Variants in MAP3K4 observed in about 807,000 individuals in gnomAD.
MAP3K4 encodes the protein mitogen-activated protein kinase kinase kinase 4.
In MAP3K4, 67 loss-of-function variants were observed where a neutral mutation model predicts 185.6. The observed-to-expected ratio is 0.36, with a 90% CI of 0.30 to 0.44. The LOEUF (loss-of-function observed/expected upper bound fraction) is 0.44, where lower values mean the gene tolerates loss of function less well. Ranked by LOEUF, MAP3K4 falls within the 20% of genes least tolerant of loss-of-function variation. The pLI is 1.00. For missense variants in MAP3K4, 1,551 were observed against 1,995.1 expected, an observed-to-expected ratio of 0.78 and a Z score of 4.24; for synonymous variants, 702 against 710.4, an observed-to-expected ratio of 0.99 and a Z score of 0.19.
chr6:161,030,374 C>G (rs1400254412), intron 1 of MAP3K4, among the ~76,000 whole-genome samples: 2 of 151,960 alleles, frequency 1.3e-5, no homozygotes, highest in African/African-American at 4.8e-5. Context: ...TGAGTCATTT[C>G]TGGTCTGTTT....
At chr6:161,078,692 G>A (rs1785294804) in intron 5 of MAP3K4, among the ~76,000 whole-genome samples, 1 of 152,170 alleles carries the variant, frequency 6.6e-6, no homozygotes, top group African/African-American at 2.4e-5. Flanking sequence ...GAGGCAGTCA[G>A]GAAGCTGGAC....
chr6:161,065,914 G>A (rs1784687295), intron 3 of MAP3K4, among the ~76,000 whole-genome samples: 1 of 113,022 alleles, frequency 8.8e-6, no homozygotes, highest in Non-Finnish European at 1.8e-5. Context: ...CTCCAGCCTG[G>A]GCAAAAGAGC....
In MAP3K4 at chr6:161,059,122, G is replaced by T. The variant is rs550269898; in HGVS notation, c.1707+9143G>T. Among the ~76,000 whole-genome samples, 4 of 148,510 alleles carry T rather than the reference G, an allele frequency of 2.7e-5. No individual in the cohort carries two copies. In the South Asian group the frequency reaches 8.7e-4, roughly 32 times the overall value. ...TTTATAACCATGATCAGCAAAAAAT[G>T]TTATTTCATTGATTGATTGATTTTT... On this transcript the variant is annotated intron_variant, in intron 3 of 26. Transcript: ENST00000392142.
At chr6:161,030,756 T>A (rs1259457120) in intron 1 of MAP3K4, among the ~76,000 whole-genome samples, 6 of 152,180 alleles carry the variant, frequency 3.9e-5, no homozygotes, top group African/African-American at 1.4e-4. Flanking sequence ...GAATGTTATT[T>A]ATTAGGTGCT....
intron 1 of MAP3K4, among the ~76,000 whole-genome samples, chr6:161,015,823 A>T (rs1476451041): frequency 6.6e-6 from 1 of 152,182 alleles, no homozygotes; most frequent in Non-Finnish European, 1.5e-5. Context: ...GTCTGCCTCC[A>T]TGACACCAGA....
intron 1 of MAP3K4, among the ~76,000 whole-genome samples, chr6:160,998,853 C>T (rs995715933): frequency 2.0e-5 from 3 of 152,002 alleles, no homozygotes; most frequent in African/African-American, 7.3e-5. Flanking sequence ...ATTTTTAGAC[C>T]CCTGCAGATC....
rs765216056 is a variant in MAP3K4 at position 161,091,416 on chromosome 6, C to A, written c.3011C>A (p.Ala1004Asp). 20 of 1,613,712 alleles carry A rather than the reference C, an allele frequency of 1.2e-5. 1 individual carries two copies. The highest frequency in any genetic ancestry group is 1.7e-5 in the Admixed American group (1 of 59,960). ...ALELCNRISNAIDRVDHMFTS... is the reference protein window; with the variant it reads ...ALELCNRISNDIDRVDHMFTS... ...GAGCTATGCAACAGGATAAGCAATG[C>A]CATTGACCGCGTGGACCACATGTTC... The change falls in exon 12 of 27, where the codon GCC (alanine) becomes GAC (aspartate). Residue 1004 changes from alanine to aspartate, a missense_variant. Transcript: ENST00000392142. The surrounding 1 kb of genome is among the most constrained non-coding windows in gnomAD (Gnocchi z 5.5).
intron 1 of MAP3K4, among the ~76,000 whole-genome samples, chr6:160,993,276 G>A (rs1780826842): frequency 6.6e-6 from 1 of 152,060 alleles, no homozygotes; most frequent in African/African-American, 2.4e-5. Flanking sequence ...GGTTCCTTTT[G>A]AATACATCTA....
intron 3 of MAP3K4, among the ~76,000 whole-genome samples, chr6:161,052,830 C>A (rs888625142): frequency 3.3e-5 from 5 of 152,006 alleles, no homozygotes; most frequent in Non-Finnish European, 7.4e-5. Flanking sequence ...GGAAAAGAGT[C>A]ACAATTTTGA....
chr6:161,089,342 T>C lies in MAP3K4; in HGVS notation c.2844T>C (p.Val948=). The C allele has an allele frequency of 6.2e-7, 1 of 1,613,814 alleles. No individual in the cohort carries two copies. Among genetic ancestry groups the C allele is most frequent in the East Asian group, 2.2e-5 (1 of 44,884 alleles). Residue 948 remains valine, a synonymous_variant, in exon 11 of 27, where the codon GTT becomes GTC. Transcript: ENST00000392142. The part of the protein sequence containing the change: ...RSMQVDNLLL[V]VMQSAHLTIQ... The stretch of plus-strand genomic sequence containing the variant: ...CCCAGGTGGATAATCTTTTACTAGT[T>C]GTCATGCAGTCTGCGCATCTCACAA...
At chr6:161,057,324 C>T (rs1186707726) in intron 3 of MAP3K4, among the ~76,000 whole-genome samples, 2 of 152,136 alleles carry the variant, frequency 1.3e-5, no homozygotes, top group Non-Finnish European at 2.9e-5. Flanking sequence ...CACAGTGTTC[C>T]AGACTCAACA....
At chr6:161,039,296 A>C (rs1426094060) in intron 2 of MAP3K4, among the ~76,000 whole-genome samples, 5 of 151,832 alleles carry the variant, frequency 3.3e-5, no homozygotes, top group East Asian at 1.9e-4. Flanking sequence ...AAAAAAAAAA[A>C]AAAACATCAA....
At position 161,034,548 on chromosome 6, in the gene MAP3K4, A is replaced by ATTT; in HGVS notation, c.343+101_343+103dup. On this transcript the variant is annotated intron_variant, in intron 2 of 26. Transcript: ENST00000392142. This position sits in a 1 kb window ranked among gnomAD's most constrained non-coding sequence, Gnocchi z 4.4. ...AGCAATTTCTTTTATTTTTAATTTG[A>ATTT]TTTTAATGCTCCTGTAAAGTTCAAT... 1 of 995,712 alleles carries ATTT rather than the reference A, an allele frequency of 1.0e-6. No homozygotes were observed. The highest frequency in any genetic ancestry group is 2.0e-5 in the South Asian group (1 of 50,674). The allele number at this position is 995,712 out of a possible 1,614,324, so 61.7% of individuals were successfully genotyped here.
At chr6:161,069,477 CGTG>C (rs1407267398) in intron 3 of MAP3K4, among the ~76,000 whole-genome samples, 18 of 151,996 alleles carry the variant, frequency 1.2e-4, no homozygotes, top group Admixed American at 1.2e-3. Flanking sequence ...GAGAGTGTCA[CGTG>C]GAGGCAGGAG....
In MAP3K4 at chr6:161,033,855, C is replaced by A. The variant is rs547830579; in HGVS notation, c.153-404C>A. On this transcript the variant is annotated intron_variant, in intron 1 of 26. Coordinates refer to ENST00000392142, the MANE Select transcript of MAP3K4 (RefSeq NM_005922.4). ...AGCAGGACTGAACTTGCCCACTCATCAATTAAGCTGTCAGCAGCTAGCACA... is the reference window on the plus strand; with the variant it reads ...AGCAGGACTGAACTTGCCCACTCATAAATTAAGCTGTCAGCAGCTAGCACA... Among the ~76,000 whole-genome samples, 20 of 152,312 alleles carry A rather than the reference C, an allele frequency of 1.3e-4. 1 individual carries two copies. In the South Asian group the frequency reaches 4.1e-3, roughly 32 times the overall value.
At chr6:161,081,288 C>T (rs1785442362) in intron 6 of MAP3K4, among the ~76,000 whole-genome samples, 1 of 67,262 alleles carries the variant, frequency 1.5e-5, no homozygotes. Flanking sequence ...CTCCTGGCAG[C>T]GAGTGGGCGG....
Position 161,034,321 on chromosome 6 carries a change from C to A in MAP3K4, c.215C>A (p.Ser72Tyr), listed in dbSNP as rs774400484. The change falls in exon 2 of 27, where the codon TCC (serine) becomes TAC (tyrosine). Residue 72 changes from serine to tyrosine, a missense_variant. Physicochemically the swap from Ser to Tyr is moderately radical, Grantham distance 144. Coordinates refer to ENST00000392142, the MANE Select transcript of MAP3K4 (RefSeq NM_005922.4). This position sits in a 1 kb window ranked among gnomAD's most constrained non-coding sequence, Gnocchi z 4.4. The stretch of plus-strand genomic sequence containing the variant: ...CCTGAATCTGATCTAGAAGACTTCT[C>A]CGATGAAACAAATACAGAGAATCTT... ...KSPESDLEDF[S>Y]DETNTENLYG... 6 of 1,613,946 alleles carry A rather than the reference C, an allele frequency of 3.7e-6. No homozygotes were observed. The Admixed American group carries it at 1.0e-4, about 27-fold the overall frequency.
chr6:161,060,147 T>TTC, intron 3 of MAP3K4, among the ~76,000 whole-genome samples: 1 of 152,362 alleles, frequency 6.6e-6, no homozygotes, highest in East Asian at 1.9e-4. Flanking sequence ...AGTGAGGATA[T>TTC]TCTAATTCTC....
chr6:160,993,308 G>C (rs1353483054), intron 1 of MAP3K4, among the ~76,000 whole-genome samples: 1 of 152,110 alleles, frequency 6.6e-6, no homozygotes, highest in Non-Finnish European at 1.5e-5. Flanking sequence ...AATTTTGTCA[G>C]AAAGTTTATT....
Sources: gnomAD v4.1 joint callset for allele counts (sites outside exome capture counted in the v4.1 genomes callset) on GRCh38, gnomAD v4.1.1 for gene constraint, Gnocchi (gnomAD v3.1) non-coding constraint, MANE v1.5 for transcripts, NCBI Gene and HGNC (gene_info 2026-07-23, HGNC 2026-07-21) for gene names.